The following PCDH15 variants were observed in gnomAD, a reference collection of about 807,000 sequenced individuals.
PCDH15 encodes protocadherin-15.
PCDH15 carries 129 observed loss-of-function variants against 178.5 expected under a neutral mutation model. That is an observed-to-expected ratio of 0.72 (90% CI 0.63 to 0.84). PCDH15 has a LOEUF of 0.84. PCDH15 is among the 40% of genes least tolerant of loss of function. PCDH15 has a pLI of 0.00. For synonymous variants in PCDH15, 800 were observed against 732.0 expected (o/e 1.09, Z -1.50); for missense variants, 2,230 against 2,099.9 (o/e 1.06, Z -1.21).
intron 2 of PCDH15, among the ~76,000 whole-genome samples, chr10:55,466,751 C>A (rs777689935): frequency 6.6e-6 from 1 of 152,042 alleles, no homozygotes; most frequent in Non-Finnish European, 1.5e-5. Context: ...AAGAATATAA[C>A]GGGGAAAAAA....
intron 2 of PCDH15, among the ~76,000 whole-genome samples, chr10:54,987,328 G>T (rs1839397043): frequency 6.6e-6 from 1 of 152,116 alleles, no homozygotes; most frequent in Non-Finnish European, 1.5e-5. Flanking sequence ...ATAAACATAT[G>T]TGTCCATGTA....
Position 54,927,658 on chromosome 10 carries a change from T to C in PCDH15, c.-79-30158A>G, listed in dbSNP as rs957159459. On this transcript the variant is annotated intron_variant, in intron 2 of 5. Transcript: ENST00000458638. ...ATATATTTAGGATAGTTAGGTCTTC[T>C]TGCTGAATTAAAACCTTTACCATTA... Among the ~76,000 whole-genome samples, 4 of 152,172 alleles carry C rather than the reference T, an allele frequency of 2.6e-5. No homozygotes were observed. In the East Asian group the frequency reaches 7.7e-4, roughly 29 times the overall value.
intron 5 of PCDH15, among the ~76,000 whole-genome samples, chr10:54,347,521 G>C (rs866971342): frequency 2.6e-5 from 4 of 152,094 alleles, no homozygotes; most frequent in Admixed American, 6.5e-5. Context: ...CTTAATTTTT[G>C]ACTAGGATTC....
chr10:54,266,978 C>A (rs891555230), intron 8 of PCDH15, among the ~76,000 whole-genome samples: 1 of 151,632 alleles, frequency 6.6e-6, no homozygotes, highest in Non-Finnish European at 1.5e-5. Flanking sequence ...TACACACACA[C>A]AAAAGAAAAC....
intron 2 of PCDH15, among the ~76,000 whole-genome samples, chr10:55,532,579 G>A (rs528907939): frequency 2.6e-5 from 4 of 152,118 alleles, no homozygotes; most frequent in African/African-American, 9.6e-5. Context: ...ACTTCCTAAA[G>A]CCAAACGTAA....
intron 3 of PCDH15, among the ~76,000 whole-genome samples, chr10:54,819,874 G>A (rs1366648701): frequency 6.6e-6 from 1 of 152,004 alleles, no homozygotes; most frequent in East Asian, 1.9e-4. Context: ...AAGAAGAAGT[G>A]TAGTCACATA....
rs573831072 is a variant in PCDH15 at position 54,090,002 on chromosome 10, A to T, written c.1979T>A (p.Val660Asp). 9.3e-6 allele frequency: 15 copies of T among 1,610,884 alleles called. No homozygotes were observed. In the African/African-American group the frequency reaches 2.0e-4, roughly 22 times the overall value. The change falls in exon 16 of 38, where the codon GTT becomes GAT. Residue 660 changes from valine to aspartate, a missense_variant. Transcript: ENST00000644397. ...AACTTACGTTTCTGAAAGATTAAAA[A>T]CTCTCTGAGGATCTCCATTCTCAAT... ...YAIENGDPQR[V>D]FNLSETTGIL...
chr10:54,098,256 C>G (rs914524610), intron 15 of PCDH15, among the ~76,000 whole-genome samples: 3 of 144,438 alleles, frequency 2.1e-5, no homozygotes, highest in Non-Finnish European at 4.5e-5. Flanking sequence ...TTTCAGAATA[C>G]CTGTCCTAGG....
chr10:54,162,947 G>A (rs946488613), intron 13 of PCDH15, among the ~76,000 whole-genome samples: 1 of 149,910 alleles, frequency 6.7e-6, no homozygotes, highest in Non-Finnish European at 1.5e-5. Context: ...TGCCTCACCA[G>A]ATGTGTTTAA....
intron 1 of PCDH15, among the ~76,000 whole-genome samples, chr10:54,674,977 A>G (rs930360477): frequency 2.0e-5 from 3 of 152,098 alleles, no homozygotes; most frequent in Non-Finnish European, 4.4e-5. Flanking sequence ...CGAATAATAC[A>G]CTAAGAACTT....
At chr10:54,304,541 G>A (rs1438787032) in intron 8 of PCDH15, among the ~76,000 whole-genome samples, 1 of 152,040 alleles carries the variant, frequency 6.6e-6, no homozygotes, top group East Asian at 1.9e-4. Context: ...AAACGTCCTG[G>A]CAGCAGAGCA....
intron 2 of PCDH15, among the ~76,000 whole-genome samples, chr10:54,920,470 A>C (rs1412659025): frequency 1.0e-5 from 1 of 100,234 alleles, no homozygotes; most frequent in Non-Finnish European, 1.9e-5. Context: ...CTGTGTCTCA[A>C]AAAAAAAAAA....
chr10:54,335,587 G>T (rs1008109131), intron 6 of PCDH15, among the ~76,000 whole-genome samples: 1 of 152,226 alleles, frequency 6.6e-6, no homozygotes, highest in African/African-American at 2.4e-5. Context: ...CTTTTATAAA[G>T]GGAAATCACT....
intron 6 of PCDH15, among the ~76,000 whole-genome samples, chr10:54,342,402 T>C (rs972235633): frequency 1.8e-4 from 28 of 152,140 alleles, no homozygotes; most frequent in African/African-American, 6.8e-4. Context: ...GTGGCTTACA[T>C]GTGGTGTTGG....
chr10:55,544,295 A>C (rs1841832487), intron 2 of PCDH15, among the ~76,000 whole-genome samples: 1 of 150,968 alleles, frequency 6.6e-6, no homozygotes, highest in African/African-American at 2.4e-5. Context: ...AATCTACTAC[A>C]TTTAGTTTTC....
chr10:54,046,010 T>G (rs72794971), intron 18 of PCDH15, among the ~76,000 whole-genome samples: 29,276 of 151,910 alleles, frequency 0.19, 3,026 homozygotes, highest in Non-Finnish European at 0.23. Flanking sequence ...GAAAACACAT[T>G]TACTCCAACA....
At chr10:54,011,611 G>A (rs568282186) in intron 20 of PCDH15, among the ~76,000 whole-genome samples, 41 of 152,268 alleles carry the variant, frequency 2.7e-4, no homozygotes, top group Non-Finnish European at 5.4e-4. Flanking sequence ...GGAGACTGAC[G>A]AAGAGTCTAC....
chr10:53,945,194 T>G (rs972241616), intron 23 of PCDH15, among the ~76,000 whole-genome samples: 2 of 152,178 alleles, frequency 1.3e-5, no homozygotes, highest in Non-Finnish European at 1.5e-5. Flanking sequence ...AGAAATAAAT[T>G]AAGATAAAAA....
intron 1 of PCDH15, among the ~76,000 whole-genome samples, chr10:54,745,986 T>G (rs1241266536): frequency 4.6e-5 from 7 of 152,200 alleles, no homozygotes; most frequent in Non-Finnish European, 1.0e-4. Context: ...CTTCCTGAAC[T>G]GTGAGATAAA....
Sources: gnomAD v4.1 joint callset for allele counts (sites outside exome capture counted in the v4.1 genomes callset) on GRCh38, gnomAD v4.1.1 for gene constraint, MANE v1.5 for transcripts, NCBI Gene and HGNC (gene_info 2026-07-23, HGNC 2026-07-21) for gene names.